KHDRBS2: variants seen among roughly 807,000 people sequenced by gnomAD.
KHDRBS2 encodes the protein KH domain-containing, RNA-binding, signal transduction-associated protein 2.
In KHDRBS2, 26 loss-of-function variants were observed where a neutral mutation model predicts 44.3. That is an observed-to-expected ratio of 0.59 (90% CI 0.43 to 0.81). The LOEUF (loss-of-function observed/expected upper bound fraction) is 0.81. KHDRBS2 is among the 40% of genes least tolerant of loss of function. KHDRBS2 has a pLI of 0.00. For synonymous variants in KHDRBS2, 194 were observed against 151.1 expected (o/e 1.28, Z -2.08); for missense variants, 476 against 433.1 (o/e 1.10, Z -0.88).
At chr6:61,599,111 T>A in the KHDRBS2 span, among the ~76,000 whole-genome samples, 1 of 151,848 alleles carries the variant, frequency 6.6e-6, no homozygotes, top group Non-Finnish European at 1.5e-5. Context: ...TTTTTTGTAT[T>A]TTTTAGTAGA....
intron 1 of KHDRBS2, among the ~76,000 whole-genome samples, chr6:62,270,582 G>C (rs1839932527): frequency 6.6e-6 from 1 of 151,774 alleles, no homozygotes; most frequent in Non-Finnish European, 1.5e-5. Flanking sequence ...GAAGTCTCTG[G>C]GCTGATAGAA....
chr6:61,811,313 GATGT>G (rs1304687710), intron 6 of KHDRBS2, among the ~76,000 whole-genome samples: 1 of 152,098 alleles, frequency 6.6e-6, no homozygotes, highest in Non-Finnish European at 1.5e-5. Context: ...AGCATTCCAT[GATGT>G]ATATGTACCA....
chr6:61,656,605 AAAGTCC>A, the KHDRBS2 span, among the ~76,000 whole-genome samples: 1 of 151,978 alleles, frequency 6.6e-6, no homozygotes. Flanking sequence ...AAATAATTAA[AAAGTCC>A]AGATTTGTAA....
chr6:62,123,571 A>T (rs1228472889), intron 2 of KHDRBS2, among the ~76,000 whole-genome samples: 2 of 152,220 alleles, frequency 1.3e-5, no homozygotes, highest in African/African-American at 4.8e-5. Context: ...TGTAAATGGT[A>T]TAGCCAGCCT....
intron 2 of KHDRBS2, among the ~76,000 whole-genome samples, chr6:62,058,030 C>T (rs563837191): frequency 2.0e-5 from 3 of 151,822 alleles, no homozygotes; most frequent in Non-Finnish European, 4.4e-5. Flanking sequence ...TTTTTAAATT[C>T]TTCATTATTA....
chr6:62,014,356 G>A (rs1442557600), intron 3 of KHDRBS2, among the ~76,000 whole-genome samples: 1 of 152,052 alleles, frequency 6.6e-6, no homozygotes, highest in African/African-American at 2.4e-5. Context: ...ATAAAAAAGT[G>A]TTTTCTTTCT....
At chr6:61,685,245 G>T (rs1766696780) in intron 8 of KHDRBS2, among the ~76,000 whole-genome samples, 2 of 151,738 alleles carry the variant, frequency 1.3e-5, no homozygotes, top group Admixed American at 6.6e-5. Flanking sequence ...TTATCTAAGA[G>T]AATTCACTTT....
intron 3 of KHDRBS2, among the ~76,000 whole-genome samples, chr6:61,995,005 T>C (rs998758731): frequency 2.6e-5 from 4 of 151,820 alleles, no homozygotes; most frequent in Admixed American, 2.6e-4. Flanking sequence ...GGGAATAGAA[T>C]AGAAAATGGA....
chr6:61,704,952 T>G (rs558100457), intron 7 of KHDRBS2, among the ~76,000 whole-genome samples: 2 of 151,984 alleles, frequency 1.3e-5, no homozygotes, highest in South Asian at 4.1e-4. Context: ...TAAACACAAT[T>G]TATAATATCT....
rs73491151 is a variant in KHDRBS2, at chr6:62,137,552, G to A, written c.219+39633C>T. ...GATTTACATTAAGTGACAACTGATA[G>A]TTGGTCTTAGTATTAGTGAACAATA... On this transcript the variant is annotated intron_variant, in intron 2 of 8. Transcript: ENST00000281156. Among the ~76,000 whole-genome samples, 1,447 of 152,300 alleles carry A rather than the reference G, an allele frequency of 9.5e-3. 25 individuals are homozygous for A. Among genetic ancestry groups the A allele is most frequent in the African/African-American group, 0.034 (1,393 of 41,554 alleles).
chr6:62,280,309 T>C (rs868679006), intron 1 of KHDRBS2, among the ~76,000 whole-genome samples: 20 of 152,144 alleles, frequency 1.3e-4, no homozygotes, highest in African/African-American at 4.6e-4. Flanking sequence ...TGAATTACTG[T>C]GACAGCATTG....
chr6:62,194,820 T>C (rs1373268650), intron 1 of KHDRBS2, among the ~76,000 whole-genome samples: 1 of 152,036 alleles, frequency 6.6e-6, no homozygotes, highest in East Asian at 1.9e-4. Context: ...AATTTCTTTA[T>C]TATTGTATTT....
chr6:62,035,165 GTA>G (rs559690291), intron 3 of KHDRBS2, among the ~76,000 whole-genome samples: 83 of 152,080 alleles, frequency 5.5e-4, no homozygotes, highest in African/African-American at 1.9e-3. Flanking sequence ...AAAGGAATCA[GTA>G]TATCAAAGAC....
chr6:62,211,763 C>A (rs150342263), intron 1 of KHDRBS2, among the ~76,000 whole-genome samples: 9 of 152,042 alleles, frequency 5.9e-5, no homozygotes, highest in Admixed American at 3.3e-4. Context: ...CCTGAAAGAC[C>A]TCAAGAGAGA....
intron 2 of KHDRBS2, among the ~76,000 whole-genome samples, chr6:62,081,004 T>A (rs1275949287): frequency 1.3e-5 from 2 of 152,154 alleles, no homozygotes; most frequent in African/African-American, 4.8e-5. Flanking sequence ...AAGCACATCA[T>A]CATTTCTTAT....
rs186795433 is a variant in KHDRBS2 at position 61,785,141 on chromosome 6, C to A, written c.811-52377G>T. The stretch of plus-strand genomic sequence containing the variant: ...CTCCAGCCTGGGCGAGAGAGTGAGA[C>A]CTTGTCCTAAAAAAACAAACAAACA... On this transcript the variant is annotated intron_variant, in intron 6 of 8. Transcript: ENST00000281156. Among the ~76,000 whole-genome samples, 399 of 145,798 alleles carry A rather than the reference C, an allele frequency of 2.7e-3. 1 individual carries two copies. Among genetic ancestry groups the A allele is most frequent in the African/African-American group, 8.9e-3 (335 of 37,772 alleles).
chr6:61,776,591 C>G (rs1302958598), intron 6 of KHDRBS2, among the ~76,000 whole-genome samples: 5 of 152,120 alleles, frequency 3.3e-5, no homozygotes, highest in Non-Finnish European at 5.9e-5. Context: ...TAATGAGATA[C>G]CTTCTCACAC....
intron 4 of KHDRBS2, among the ~76,000 whole-genome samples, chr6:61,967,704 A>T (rs2127397125): frequency 6.6e-6 from 1 of 151,622 alleles, no homozygotes; most frequent in East Asian, 1.9e-4. Flanking sequence ...TTTAATGTTG[A>T]AGTTATTTAT....
chr6:61,689,848 GAGTCATATATA>G (rs769382858), intron 8 of KHDRBS2, among the ~76,000 whole-genome samples: 12 of 151,898 alleles, frequency 7.9e-5, no homozygotes, highest in Non-Finnish European at 1.2e-4. Flanking sequence ...CACTGATTGT[GAGTCATATATA>G]CATGTATATA....
Sources: allele counts gnomAD v4.1 joint callset (sites outside exome capture counted in the v4.1 genomes callset), GRCh38; gene constraint gnomAD v4.1.1; transcripts MANE v1.5; gene names NCBI Gene and HGNC (gene_info 2026-07-23, HGNC 2026-07-21).